Variants in KCNIP4 observed in about 807,000 individuals in gnomAD.
The protein encoded by KCNIP4 is Kv channel-interacting protein 4.
KCNIP4 carries 12 observed loss-of-function variants against 34.0 expected under a neutral mutation model. The observed-to-expected ratio is 0.35, with a 90% confidence interval of 0.23 to 0.57. KCNIP4 has a LOEUF of 0.57. Ranked by LOEUF, KCNIP4 falls within the 20% of genes least tolerant of loss-of-function variation. The probability of loss-of-function intolerance (pLI) is 0.83; values close to 1 mark genes in which losing one functional copy is unlikely to be tolerated. For synonymous variants in KCNIP4, 124 were observed against 102.2 expected (o/e 1.21, Z -1.29); for missense variants, 238 against 311.7 (o/e 0.76, Z 1.78).
chr4:21,361,497 T>A (rs1719217859), intron 1 of KCNIP4, among the ~76,000 whole-genome samples: 1 of 151,924 alleles, frequency 6.6e-6, no homozygotes, highest in Admixed American at 6.6e-5. Context: ...AAAAAAAAAA[T>A]TACTCTTATT....
At chr4:21,225,676 G>T (rs1467604979) in intron 1 of KCNIP4, among the ~76,000 whole-genome samples, 1 of 152,136 alleles carries the variant, frequency 6.6e-6, no homozygotes, top group Non-Finnish European at 1.5e-5. Flanking sequence ...TAATCATGGT[G>T]CATAGCAGAT....
At chr4:21,340,724 G>A (rs1716676064) in intron 1 of KCNIP4, among the ~76,000 whole-genome samples, 1 of 151,920 alleles carries the variant, frequency 6.6e-6, no homozygotes, top group Admixed American at 6.6e-5. Context: ...AAACTTCTCA[G>A]ATACACAAAC....
At chr4:21,467,059 ACC>A (rs2109792607) in intron 1 of KCNIP4, among the ~76,000 whole-genome samples, 1 of 136,624 alleles carries the variant, frequency 7.3e-6, no homozygotes, top group African/African-American at 2.8e-5. Context: ...ACCAAACCAA[ACC>A]AAACCAAAAC....
At position 21,074,487 on chromosome 4, in the gene KCNIP4, C is replaced by T. The variant is rs535642411; in HGVS notation, c.62-191778G>A. On this transcript the variant is annotated intron_variant, in intron 1 of 8. Coordinates refer to ENST00000382152, the MANE Select transcript of KCNIP4 (RefSeq NM_025221.6). ...TTCTGTGGGATCGGTGGTGATATCC[C>T]CTTTATCATTTTTTATTGCGTCTAT... Among the ~76,000 whole-genome samples the T allele has an allele frequency of 2.9e-4, 44 of 152,032 alleles. No individual in the cohort carries two copies. In the East Asian group the frequency reaches 7.9e-3, roughly 27 times the overall value.
intron 1 of KCNIP4, among the ~76,000 whole-genome samples, chr4:21,022,263 G>A (rs1438355371): frequency 6.6e-6 from 1 of 152,176 alleles, no homozygotes; most frequent in Non-Finnish European, 1.5e-5. Flanking sequence ...ATAGAAGAAT[G>A]CAGCAAAACC....
At chr4:21,169,941 C>A (rs971366256) in intron 1 of KCNIP4, among the ~76,000 whole-genome samples, 2 of 151,930 alleles carry the variant, frequency 1.3e-5, no homozygotes, top group African/African-American at 4.8e-5. Context: ...TCTATAATGC[C>A]CACACATGTT....
chr4:21,363,072 T>G (rs78261447), intron 1 of KCNIP4, among the ~76,000 whole-genome samples: 1 of 152,302 alleles, frequency 6.6e-6, no homozygotes, highest in East Asian at 1.9e-4. Context: ...GTTCTTTCTT[T>G]ATCTCCTTTT....
chr4:21,253,175 T>A (rs1022339987), intron 1 of KCNIP4, among the ~76,000 whole-genome samples: 22 of 152,286 alleles, frequency 1.4e-4, no homozygotes, highest in African/African-American at 5.3e-4. Context: ...CGGCAATTTC[T>A]TTTCTTTTTA....
chr4:21,397,026 A>C (rs1327879552), intron 1 of KCNIP4, among the ~76,000 whole-genome samples: 3 of 152,242 alleles, frequency 2.0e-5, no homozygotes, highest in African/African-American at 7.2e-5. Flanking sequence ...CCAGTGGGGA[A>C]AATAAAAAGT....
intron 1 of KCNIP4, among the ~76,000 whole-genome samples, chr4:21,146,977 G>C (rs1024286753): frequency 6.6e-6 from 1 of 151,992 alleles, no homozygotes. Flanking sequence ...GTATATATAT[G>C]TGGGGGGCAT....
At chr4:20,821,880 ATCTC>A (rs149854781) in intron 3 of KCNIP4, among the ~76,000 whole-genome samples, 38 of 150,200 alleles carry the variant, frequency 2.5e-4, no homozygotes, top group African/African-American at 8.5e-4. Flanking sequence ...GTATCTATGT[ATCTC>A]TCTCTCTCTC....
chr4:21,801,798 T>C (rs1177487118), intron 1 of KCNIP4, among the ~76,000 whole-genome samples: 2 of 151,626 alleles, frequency 1.3e-5, no homozygotes, highest in African/African-American at 4.8e-5. Flanking sequence ...TATTTTTTTA[T>C]AGCTGCACAG....
chr4:21,469,401 C>T (rs997708471), intron 1 of KCNIP4, among the ~76,000 whole-genome samples: 3 of 152,148 alleles, frequency 2.0e-5, no homozygotes, highest in African/African-American at 7.2e-5. Context: ...TCCTCTGAGA[C>T]TTCTTCCCAA....
At chr4:21,464,759 T>C (rs1729768279) in intron 1 of KCNIP4, 1 of 152,142 alleles carries the variant, frequency 6.6e-6, no homozygotes, top group African/African-American at 2.4e-5. Flanking sequence ...ATACACCAGA[T>C]AGACCTGACA....
At chr4:20,891,617 A>G (rs1026929155) in intron 1 of KCNIP4, among the ~76,000 whole-genome samples, 6 of 152,182 alleles carry the variant, frequency 3.9e-5, no homozygotes, top group African/African-American at 1.4e-4. Flanking sequence ...AAACAAAACA[A>G]AACAAAATAA....
At chr4:21,273,340 G>T (rs766450966) in intron 1 of KCNIP4, among the ~76,000 whole-genome samples, 2 of 152,016 alleles carry the variant, frequency 1.3e-5, no homozygotes, top group Admixed American at 6.6e-5. Flanking sequence ...TTCGGAGGAG[G>T]CAACATGGAG....
intron 1 of KCNIP4, among the ~76,000 whole-genome samples, chr4:21,059,883 TGAC>T (rs1743764310): frequency 1.3e-5 from 2 of 152,134 alleles, no homozygotes; most frequent in South Asian, 4.1e-4. Flanking sequence ...GGTGAAGCGT[TGAC>T]TGAAACCTGG....
chr4:21,190,251 T>A (rs1755526238), intron 1 of KCNIP4, among the ~76,000 whole-genome samples: 1 of 152,220 alleles, frequency 6.6e-6, no homozygotes. Flanking sequence ...CACTGCAGTA[T>A]CTTTTAAGTA....
intron 1 of KCNIP4, among the ~76,000 whole-genome samples, chr4:20,960,952 T>C (rs932631353): frequency 6.6e-6 from 1 of 152,192 alleles, no homozygotes; most frequent in Non-Finnish European, 1.5e-5. Context: ...ATCAGAGTTT[T>C]TGCAGTTTCG....
Sources: gnomAD v4.1 joint callset for allele counts (sites outside exome capture counted in the v4.1 genomes callset) on GRCh38, gnomAD v4.1.1 for gene constraint, MANE v1.5 for transcripts, NCBI Gene and HGNC (gene_info 2026-07-23, HGNC 2026-07-21) for gene names.